The following SPMIP2 variants were observed in gnomAD, a reference collection of about 807,000 sequenced individuals.
SPMIP2 encodes the protein sperm microtubule inner protein 2.
At chr4:158,903,015 C>T in the SPMIP2 span, among the ~76,000 whole-genome samples, 2 of 152,166 alleles carry the variant, frequency 1.3e-5, no homozygotes, top group East Asian at 1.9e-4. Context: ...GCTAGCATTC[C>T]GGGTGCCACT....
At chr4:159,006,191 G>T in the SPMIP2 span, among the ~76,000 whole-genome samples, 6 of 152,218 alleles carry the variant, frequency 3.9e-5, no homozygotes, top group Non-Finnish European at 7.3e-5. Context: ...CTTAAAGCTG[G>T]TGGATAATTA....
the SPMIP2 span, among the ~76,000 whole-genome samples, chr4:158,966,311 A>G: frequency 6.6e-6 from 1 of 152,224 alleles, no homozygotes; most frequent in Admixed American, 6.5e-5. Flanking sequence ...AGTGTTGTAT[A>G]TGAATAATAG....
chr4:158,942,739 T>C, the SPMIP2 span, among the ~76,000 whole-genome samples: 1 of 152,084 alleles, frequency 6.6e-6, no homozygotes, highest in African/African-American at 2.4e-5. Flanking sequence ...ATTGCACCAC[T>C]GCACTCCAGC....
At chr4:159,051,656 G>A in the SPMIP2 span, among the ~76,000 whole-genome samples, 4 of 152,044 alleles carry the variant, frequency 2.6e-5, no homozygotes, top group African/African-American at 9.7e-5. Flanking sequence ...TCATTCTTTT[G>A]TCATTCTCAT....
chr4:158,961,872 T>A, the SPMIP2 span, among the ~76,000 whole-genome samples: 1 of 152,106 alleles, frequency 6.6e-6, no homozygotes, highest in Admixed American at 6.5e-5. Flanking sequence ...CTAATAAAAT[T>A]CAGACTCAGA....
chr4:158,995,838 A>G, the SPMIP2 span, among the ~76,000 whole-genome samples: 1 of 143,528 alleles, frequency 7.0e-6, no homozygotes, highest in African/African-American at 2.6e-5. Flanking sequence ...GCCTGGCAAC[A>G]GAGTGAGACT....
the SPMIP2 span, among the ~76,000 whole-genome samples, chr4:159,045,632 A>C: frequency 6.6e-6 from 1 of 152,240 alleles, no homozygotes; most frequent in African/African-American, 2.4e-5. Flanking sequence ...AAGAAGCTGG[A>C]AGGCTGAAAC....
chr4:158,899,836 C>G, the SPMIP2 span, among the ~76,000 whole-genome samples: 148 of 152,222 alleles, frequency 9.7e-4, 1 homozygote, highest in African/African-American at 3.5e-3. Flanking sequence ...TTTTTTGTGT[C>G]TCTATCTCGT....
chr4:158,967,993 G>A, the SPMIP2 span, among the ~76,000 whole-genome samples: 2 of 152,056 alleles, frequency 1.3e-5, no homozygotes, highest in African/African-American at 2.4e-5. Flanking sequence ...ACTATCAAGC[G>A]ATTTCTTATG....
the SPMIP2 span, among the ~76,000 whole-genome samples, chr4:159,058,552 C>T: frequency 6.6e-6 from 1 of 152,062 alleles, no homozygotes; most frequent in East Asian, 1.9e-4. Flanking sequence ...TGTACATCTT[C>T]ATCTGTCTGA....
At chr4:158,964,205 A>T in the SPMIP2 span, among the ~76,000 whole-genome samples, 1 of 151,688 alleles carries the variant, frequency 6.6e-6, no homozygotes, top group Non-Finnish European at 1.5e-5. Flanking sequence ...ATGTGGAGGG[A>T]TCATGGAGTG....
At chr4:159,020,861 A>T in the SPMIP2 span, among the ~76,000 whole-genome samples, 2 of 152,090 alleles carry the variant, frequency 1.3e-5, no homozygotes, top group African/African-American at 4.8e-5. Flanking sequence ...TCCCGGGTTC[A>T]CGCCATTCTC....
At chr4:158,903,345 A>G in the SPMIP2 span, among the ~76,000 whole-genome samples, 2 of 152,150 alleles carry the variant, frequency 1.3e-5, no homozygotes, top group Admixed American at 1.3e-4. Flanking sequence ...AGCCGGGTAC[A>G]TCAGTTGGAA....
the SPMIP2 span, among the ~76,000 whole-genome samples, chr4:158,989,196 CAAG>C: frequency 6.6e-6 from 1 of 152,258 alleles, no homozygotes; most frequent in East Asian, 1.9e-4. Flanking sequence ...AGGATCTCCT[CAAG>C]AAGAACTACA....
At chr4:158,952,915 G>A in the SPMIP2 span, among the ~76,000 whole-genome samples, 1 of 152,302 alleles carries the variant, frequency 6.6e-6, no homozygotes, top group African/African-American at 2.4e-5. Context: ...AGCGTATCTG[G>A]TGGAAGAAAT....
chr4:158,982,791 C>G, the SPMIP2 span, among the ~76,000 whole-genome samples: 6 of 151,996 alleles, frequency 3.9e-5, no homozygotes, highest in Non-Finnish European at 2.9e-5. Flanking sequence ...AATTGACACC[C>G]TAGAACAAAG....
At chr4:158,964,734 G>A in the SPMIP2 span, among the ~76,000 whole-genome samples, 18 of 152,308 alleles carry the variant, frequency 1.2e-4, no homozygotes, top group African/African-American at 4.3e-4. Flanking sequence ...AAAGGAAAGA[G>A]GTTTAATTGA....
chr4:158,920,704 A>G, the SPMIP2 span, among the ~76,000 whole-genome samples: 96,465 of 151,694 alleles, frequency 0.64, 31,066 homozygotes, highest in East Asian at 0.89. Context: ...TACATGCACC[A>G]CTGAACAGAG....
the SPMIP2 span, among the ~76,000 whole-genome samples, chr4:158,898,945 T>G: frequency 1.3e-5 from 2 of 152,282 alleles, no homozygotes; most frequent in Non-Finnish European, 2.9e-5. Flanking sequence ...ATTCTTCCAG[T>G]TTTTGCCCAT....
Sources: gnomAD v4.1 joint callset for allele counts (sites outside exome capture counted in the v4.1 genomes callset) on GRCh38, gnomAD v4.1.1 for gene constraint, MANE v1.5 for transcripts, NCBI Gene and HGNC (gene_info 2026-07-23, HGNC 2026-07-21) for gene names.